Variants in RPGRIP1 observed in about 807,000 individuals in gnomAD.
RPGRIP1 encodes the protein X-linked retinitis pigmentosa GTPase regulator-interacting protein 1.
Under a neutral mutation model 157.9 loss-of-function variants are expected in RPGRIP1, and 128 were observed. The observed-to-expected ratio is 0.81, with a 90% CI of 0.70 to 0.94. The LOEUF (loss-of-function observed/expected upper bound fraction) is 0.94, where lower values mean the gene tolerates loss of function less well. Ranked by LOEUF, RPGRIP1 falls within the 40% of genes least tolerant of loss-of-function variation. The pLI, the probability that RPGRIP1 is intolerant of heterozygous loss-of-function variation, is 0.00. For missense variants in RPGRIP1, 1,486 were observed against 1,545.8 expected (o/e 0.96, Z 0.65); for synonymous variants, 554 against 571.6 (o/e 0.97, Z 0.44).
chr14:21,308,892 C>G (rs34053371), intron 7 of RPGRIP1, among the ~76,000 whole-genome samples: 33,833 of 152,040 alleles, frequency 0.22, 4,115 homozygotes, highest in Admixed American at 0.33. Flanking sequence ...GCCCTCCTAC[C>G]CTAGTCTTTT....
At chr14:21,319,825 G>A (rs906786490) in intron 11 of RPGRIP1, among the ~76,000 whole-genome samples, 192 bp from the exon 12 acceptor site, 3 of 152,158 alleles carry the variant, frequency 2.0e-5, no homozygotes, top group African/African-American at 7.2e-5. Flanking sequence ...TTTTCGGAGT[G>A]CAAGTAGTAT....
chr14:21,324,875 C>G lies in RPGRIP1; in HGVS notation c.2020C>G (p.Pro674Ala), dbSNP rs1328030621. ...HCTPLSVGPQ[P>A]LYDFTSQYVM... ...TACCCCATTATCTGTGGGGCCACAG[C>G]CCCTCTATGACTTCACCTCCCAGTA... The change falls in exon 15 of 25, where the codon CCC (proline) becomes GCC (alanine). Residue 674 changes from proline (P) to alanine (A), a missense_variant. Physicochemically the swap from Pro to Ala is conservative, Grantham distance 27. Coordinates refer to ENST00000400017, the MANE Select transcript of RPGRIP1 (RefSeq NM_020366.4). 1.2e-6 allele frequency: 2 copies of G among 1,613,990 alleles called. No homozygotes were observed. The highest frequency in any genetic ancestry group is 1.7e-6 in the Non-Finnish European group (2 of 1,179,860).
In RPGRIP1 at chr14:21,324,896, C is replaced by T. The variant is rs868548381; in HGVS notation, c.2041C>T (p.Gln681Ter). ...GPQPLYDFTS[Q>*]YVMETDSLFL... ...ACAGCCCCTCTATGACTTCACCTCC[C>T]AGTATGTGATGGAGACAGATTCGCT... The change falls in exon 15 of 25, where the codon CAG becomes TAG. Residue 681 changes from glutamine to a stop codon, truncating the protein, a stop_gained. Transcript: ENST00000400017. LOFTEE classifies it high-confidence loss of function. 2 of 1,614,056 alleles carry T rather than the reference C, an allele frequency of 1.2e-6. No individual in the cohort carries two copies. The highest frequency in any genetic ancestry group is 2.2e-5 in the South Asian group (2 of 91,084).
rs769076483 is a variant in RPGRIP1, at chr14:21,351,103, G to A, written c.3749-1G>A. 1.9e-6 allele frequency: 3 copies of A among 1,592,712 alleles called. No homozygotes were observed. The highest frequency in any genetic ancestry group is 1.7e-6 in the Non-Finnish European group (2 of 1,165,166). ...TGCTGTTTTTTTCCCTTTCCCAACAGTTGTTAGCCCTGAAGATCTGGCTAC... is the reference window on the plus strand; with the variant it reads ...TGCTGTTTTTTTCCCTTTCCCAACAATTGTTAGCCCTGAAGATCTGGCTAC... On this transcript the variant is annotated splice_acceptor_variant, in intron 24 of 24. Coordinates refer to ENST00000400017, the MANE Select transcript of RPGRIP1 (RefSeq NM_020366.4). LOFTEE classifies it high-confidence loss of function.
At chr14:21,319,343 CAT>C (rs1298775238) in intron 11 of RPGRIP1, among the ~76,000 whole-genome samples, 1 of 152,218 alleles carries the variant, frequency 6.6e-6, no homozygotes, top group Non-Finnish European at 1.5e-5. Flanking sequence ...CAGCAGATCA[CAT>C]GAGGCCAGGA....
intron 8 of RPGRIP1, chr14:21,311,045 C>G (rs185449208): frequency 8.1e-5 from 36 of 442,580 alleles, no homozygotes; most frequent in Middle Eastern, 6.7e-4. Context: ...TAAGAATCAC[C>G]ACTAAGACAG....
intron 24 of RPGRIP1, among the ~76,000 whole-genome samples, chr14:21,349,921 T>C (rs1019410144): frequency 6.6e-6 from 1 of 152,228 alleles, no homozygotes. Context: ...ATAGCTGGGA[T>C]GTCACCTATC....
intron 10 of RPGRIP1, among the ~76,000 whole-genome samples, chr14:21,313,702 C>G (rs919160537): frequency 1.3e-5 from 2 of 151,390 alleles, no homozygotes; most frequent in Admixed American, 6.6e-5. Flanking sequence ...GCAGGAGAAT[C>G]GCTTGAACCC....
At chr14:21,327,214 C>T (rs942672031) in intron 17 of RPGRIP1, among the ~76,000 whole-genome samples, 6 of 152,262 alleles carry the variant, frequency 3.9e-5, no homozygotes, top group East Asian at 3.8e-4. Context: ...TCTGGCATTT[C>T]GAAAGAGCCA....
chr14:21,325,665 C>T (rs1883000788), intron 16 of RPGRIP1, 166 bp from the exon 17 acceptor site: 2 of 654,286 alleles, frequency 3.1e-6, no homozygotes, highest in Non-Finnish European at 5.2e-6. Context: ...CCTGAAATAA[C>T]TGCCAGAGCC....
intron 1 of RPGRIP1, among the ~76,000 whole-genome samples, chr14:21,282,861 C>T (rs889272067): frequency 2.6e-5 from 4 of 152,078 alleles, no homozygotes; most frequent in Admixed American, 6.6e-5. Flanking sequence ...CCACCCATCT[C>T]GGCCTCCCAA....
At position 21,328,526 on chromosome 14, in the gene RPGRIP1, G is replaced by A; in HGVS notation, c.2998G>A (p.Val1000Met). The A allele has an allele frequency of 6.2e-7, 1 of 1,613,542 alleles. No homozygotes were observed. The highest frequency in any genetic ancestry group is 2.2e-5 in the East Asian group (1 of 44,878). Residue 1000 changes from valine (V) to methionine (M), a missense_variant, in exon 19 of 25, where the codon GTG becomes ATG. By Grantham distance (21) the Val-to-Met change is conservative. Transcript: ENST00000400017. The stretch of plus-strand genomic sequence containing the variant: ...AAGAAAGGAGAAGGAGCACCAGGTT[G>A]TGAGCTACTCAAGAAGAAAACATGG... ...GERKEKEHQV[V>M]SYSRRKHGKR...
chr14:21,341,852 G>A (rs527866190), intron 21 of RPGRIP1, among the ~76,000 whole-genome samples: 6 of 152,090 alleles, frequency 3.9e-5, no homozygotes, highest in Non-Finnish European at 2.9e-5. Flanking sequence ...TCAGGAGATC[G>A]AGACCATCCT....
intron 20 of RPGRIP1, among the ~76,000 whole-genome samples, chr14:21,330,955 G>T (rs1883708877): frequency 6.6e-6 from 1 of 151,840 alleles, no homozygotes; most frequent in Non-Finnish European, 1.5e-5. Context: ...TGTCTCCCAG[G>T]CTGGAGTGCA....
chr14:21,308,768 G>A (rs756483527), intron 7 of RPGRIP1, among the ~76,000 whole-genome samples: 6 of 152,194 alleles, frequency 3.9e-5, no homozygotes, highest in Non-Finnish European at 8.8e-5. Flanking sequence ...CTCATGTGCC[G>A]GGAAAAGTGG....
intron 1 of RPGRIP1, among the ~76,000 whole-genome samples, chr14:21,284,985 G>C (rs1880250459): frequency 6.7e-6 from 1 of 150,088 alleles, no homozygotes; most frequent in Middle Eastern, 3.4e-3. Flanking sequence ...TCATACATTC[G>C]GTGTTTATTT....
At chr14:21,305,691 TC>T (rs1266611597) in intron 6 of RPGRIP1, among the ~76,000 whole-genome samples, 24 of 152,196 alleles carry the variant, frequency 1.6e-4, no homozygotes, top group African/African-American at 5.5e-4. Flanking sequence ...TGAATCCCCA[TC>T]TTTACTGAAA....
chr14:21,349,068 A>ATTTTT lies in RPGRIP1; in HGVS notation c.3748+782_3748+786dup, dbSNP rs397709409. ...AATTGACTATGCTCTCCTTACTACA[A>ATTTTT]TTTTTTTTTTTTTTTTTTTTGAGAC... On this transcript the variant is annotated intron_variant, in intron 24 of 24. Transcript: ENST00000400017. Among the ~76,000 whole-genome samples the ATTTTT allele has an allele frequency of 1.2e-4, 14 of 113,418 alleles. 1 individual carries two copies. Among genetic ancestry groups the ATTTTT allele is most frequent in the African/African-American group, 3.5e-4 (10 of 28,554 alleles). 74.4% of individuals were successfully genotyped at this position (113,418 alleles called of 152,430 possible).
At position 21,349,399 on chromosome 14, in the gene RPGRIP1, C is replaced by CT. The variant is rs71112577; in HGVS notation, c.3748+1115dup. On this transcript the variant is annotated intron_variant, in intron 24 of 24. Coordinates refer to ENST00000400017, the MANE Select transcript of RPGRIP1 (RefSeq NM_020366.4). ...TAAATATAATTACTATAATTTCTTT[C>CT]TTTTTTTTTTTTTTTTTTGAGATGG... 2.4e-3 allele frequency among the ~76,000 whole-genome samples: 195 copies of CT among 82,002 alleles called. 2 individuals carry two copies. Among genetic ancestry groups the CT allele is most frequent in the African/African-American group, 6.8e-3 (152 of 22,444 alleles). The allele number at this position is 82,002 out of a possible 152,430, so 53.8% of individuals were successfully genotyped here.
Sources: allele counts gnomAD v4.1 joint callset (sites outside exome capture counted in the v4.1 genomes callset), GRCh38; gene constraint gnomAD v4.1.1; transcripts MANE v1.5; gene names NCBI Gene and HGNC (gene_info 2026-07-23, HGNC 2026-07-21).